Variants in WDR44 observed in about 807,000 individuals in gnomAD.
WDR44 encodes the protein WD repeat-containing protein 44.
WDR44 carries 9 observed loss-of-function variants against 65.7 expected under a neutral mutation model. The observed-to-expected ratio is 0.14, with a 90% confidence interval of 0.08 to 0.24. The LOEUF is 0.24. Among genes scored for constraint, WDR44 ranks in the 10% least tolerant of loss-of-function variants. The pLI is 1.00. For missense variants in WDR44, 425 were observed against 670.9 expected, an observed-to-expected ratio of 0.63 and a Z score of 4.05; for synonymous variants, 220 against 235.2, an observed-to-expected ratio of 0.94 and a Z score of 0.59.
intron 10 of WDR44, among the ~76,000 whole-genome samples, chrX:118,409,135 T>C (rs1356490311): frequency 3.6e-5 from 4 of 111,450 alleles, no homozygotes; most frequent in Non-Finnish European, 1.9e-5. Flanking sequence ...TTATTTTATT[T>C]ATTATTATTT....
intron 12 of WDR44, among the ~76,000 whole-genome samples, chrX:118,413,226 A>T (rs1349203277): frequency 8.9e-6 from 1 of 112,262 alleles, no homozygotes; most frequent in African/African-American, 3.2e-5. Context: ...GGATTGATGG[A>T]TCAAATGTTA....
intron 14 of WDR44, among the ~76,000 whole-genome samples, chrX:118,438,807 T>G (rs936676254): frequency 6.1e-5 from 6 of 98,246 alleles, no homozygotes; most frequent in African/African-American, 1.9e-4. Flanking sequence ...GTTTTTTTTT[T>G]TTTTTTTTTT....
chrX:118,392,769 C>G lies in WDR44; in HGVS notation c.324C>G (p.Pro108=). The G allele has an allele frequency of 2.5e-6, 3 of 1,211,528 alleles. No individual in the cohort carries two copies. The highest frequency in any genetic ancestry group is 2.2e-6 in the Non-Finnish European group (2 of 895,462). ...CTAGAACAGATCTGAGCAATATACC[C>G]GGACTGTTAGCCATAGATCAAGTAC... ...IVARTDLSNI[P]GLLAIDQVLP... The change falls in exon 4 of 20, where the codon CCC becomes CCG. Residue 108 remains proline, a synonymous_variant. Coordinates refer to ENST00000254029, the MANE Select transcript of WDR44 (RefSeq NM_019045.5).
At chrX:118,367,140 GA>G (rs1214578814) in intron 1 of WDR44, among the ~76,000 whole-genome samples, 1 of 111,972 alleles carries the variant, frequency 8.9e-6, no homozygotes. Flanking sequence ...TAATCTGGCA[GA>G]GGGGTGGAAG....
chrX:118,354,122 A>G lies in WDR44; in HGVS notation c.77+7542A>G, dbSNP rs1279492031. Among the ~76,000 whole-genome samples the G allele has an allele frequency of 2.7e-5, 3 of 111,649 alleles. No homozygotes were observed. In the East Asian group the frequency reaches 8.4e-4, roughly 31 times the overall value. On this transcript the variant is annotated intron_variant, in intron 1 of 19. Transcript: ENST00000254029. ...ATAAATATGTTTACCTGTTTTGGTCAAAACAAGGATTGGCCAGGTACAGAA... is the reference window on the plus strand; with the variant it reads ...ATAAATATGTTTACCTGTTTTGGTCGAAACAAGGATTGGCCAGGTACAGAA...
At chrX:118,413,791 T>C (rs925842652) in intron 12 of WDR44, among the ~76,000 whole-genome samples, 2 of 112,127 alleles carry the variant, frequency 1.8e-5, no homozygotes, top group African/African-American at 6.5e-5. Flanking sequence ...CAATGTTATC[T>C]TCTAGAATTT....
At chrX:118,380,214 A>G (rs1166497343) in intron 2 of WDR44, among the ~76,000 whole-genome samples, 3 of 111,791 alleles carry the variant, frequency 2.7e-5, no homozygotes, top group Admixed American at 9.6e-5. Flanking sequence ...CCCAGTGGTT[A>G]TATCTTAATT....
intron 12 of WDR44, among the ~76,000 whole-genome samples, chrX:118,422,050 GA>G (rs1444380373): frequency 9.0e-6 from 1 of 111,390 alleles, no homozygotes; most frequent in Non-Finnish European, 1.9e-5. Context: ...TAATGTGCAT[GA>G]CTAGGGAACA....
intron 8 of WDR44, among the ~76,000 whole-genome samples, chrX:118,400,812 C>G (rs916853366): frequency 9.7e-6 from 1 of 103,338 alleles, no homozygotes; most frequent in African/African-American, 3.6e-5. Context: ...AATGCTATCC[C>G]TCCCCACTCC....
chrX:118,346,288 C>G lies in WDR44; in HGVS notation c.-216C>G. The G allele has an allele frequency of 4.8e-6, 2 of 416,789 alleles. No homozygotes were observed. The highest frequency in any genetic ancestry group is 8.4e-6 in the Non-Finnish European group (2 of 238,866). The allele number at this position is 416,789 out of a possible 1,213,427, so 34.3% of individuals were successfully genotyped here. On this transcript the variant is annotated 5_prime_UTR_variant, in exon 1 of 20. Coordinates refer to ENST00000254029, the MANE Select transcript of WDR44 (RefSeq NM_019045.5). ...ACATTCCCTGGACCAACCGCCGCCT[C>G]TTCAGGCGGCCGCTTTGCCGGTCAT...
At chrX:118,381,388 G>C (rs2056714453) in intron 2 of WDR44, among the ~76,000 whole-genome samples, 2 of 109,420 alleles carry the variant, frequency 1.8e-5, no homozygotes, top group Non-Finnish European at 3.8e-5. Context: ...AGAATCACTT[G>C]AATCTGAGAG....
chrX:118,383,351 C>T (rs1196154846), intron 2 of WDR44, among the ~76,000 whole-genome samples: 1 of 111,334 alleles, frequency 9.0e-6, no homozygotes, highest in African/African-American at 3.3e-5. Flanking sequence ...CAGTGACTCA[C>T]GCCTGTTATC....
In WDR44 at chrX:118,394,073, C is replaced by T; in HGVS notation, c.845C>T (p.Thr282Met). The T allele has an allele frequency of 5.0e-6, 6 of 1,208,999 alleles. No individual in the cohort carries two copies. The highest frequency in any genetic ancestry group is 5.6e-6 in the Non-Finnish European group (5 of 893,482). Residue 282 changes from threonine (T) to methionine (M), a missense_variant, in exon 5 of 20, where the codon ACG (threonine) becomes ATG (methionine). By Grantham distance (81) the Thr-to-Met change is moderately conservative (BLOSUM62 -1). Coordinates refer to ENST00000254029, the MANE Select transcript of WDR44 (RefSeq NM_019045.5). Reference sequence around the variant, plus strand: ...ATTGCAGTTCCCAAAGAGAATATTACGTCTGATTCTCTCCTAACCGCAAGC... The same window carrying T: ...ATTGCAGTTCCCAAAGAGAATATTATGTCTGATTCTCTCCTAACCGCAAGC... ...PDIDVPKENI[T>M]SDSLLTASMA...
At chrX:118,388,845 C>A (rs369099308) in intron 3 of WDR44, among the ~76,000 whole-genome samples, 3 of 111,773 alleles carry the variant, frequency 2.7e-5, no homozygotes, top group Non-Finnish European at 3.8e-5. Flanking sequence ...TTTACTCTTA[C>A]CATTTTTAGA....
At chrX:118,442,745 A>G (rs1261381354) in intron 17 of WDR44, 65 bp downstream of exon 17, 1 of 918,299 alleles carries the variant, frequency 1.1e-6, no homozygotes, top group Non-Finnish European at 1.6e-6. Context: ...CCATTTTTCC[A>G]TTGGTCTATG....
intron 2 of WDR44, chrX:118,386,447 A>T (rs778901514): frequency 5.8e-6 from 2 of 346,354 alleles, no homozygotes; most frequent in African/African-American, 5.5e-5. Context: ...GTATACGTAG[A>T]TATATATGTA....
chrX:118,372,986 G>A (rs2056627517), intron 1 of WDR44, among the ~76,000 whole-genome samples: 1 of 111,001 alleles, frequency 9.0e-6, no homozygotes, highest in African/African-American at 3.3e-5. Flanking sequence ...CTACTTGGGA[G>A]GCTGAGTCAG....
chrX:118,378,828 G>A (rs1192600090), intron 2 of WDR44, among the ~76,000 whole-genome samples: 2 of 103,949 alleles, frequency 1.9e-5, no homozygotes, highest in Admixed American at 2.2e-4. Context: ...GAGGTCAGGA[G>A]TTTGACACCA....
chrX:118,352,326 A>T (rs866754659), intron 1 of WDR44, among the ~76,000 whole-genome samples: 1 of 12,746 alleles, frequency 7.8e-5, no homozygotes, highest in African/African-American at 4.7e-4. Context: ...ATTTATATAT[A>T]TATATATATA....
Sources: allele counts gnomAD v4.1 joint callset (sites outside exome capture counted in the v4.1 genomes callset), GRCh38; gene constraint gnomAD v4.1.1; transcripts MANE v1.5; gene names NCBI Gene and HGNC (gene_info 2026-07-23, HGNC 2026-07-21).